PSD3: variants seen among roughly 807,000 people sequenced by gnomAD.
The protein encoded by PSD3 is pleckstrin and Sec7 domain containing 3.
PSD3 carries 49 observed loss-of-function variants against 105.5 expected under a neutral mutation model. That is an observed-to-expected ratio of 0.46 (90% CI 0.37 to 0.59). The LOEUF (loss-of-function observed/expected upper bound fraction) is 0.59, where lower values mean the gene tolerates loss of function less well. Among genes scored for constraint, PSD3 ranks in the 20% least tolerant of loss-of-function variants. The pLI, the probability that PSD3 is intolerant of heterozygous loss-of-function variation, is 0.00. For missense variants in PSD3, 1,561 were observed against 1,263.8 expected (o/e 1.24, Z -3.57); for synonymous variants, 557 against 457.8 (o/e 1.22, Z -2.77).
At chr8:18,653,135 T>G (rs899762936) in intron 10 of PSD3, among the ~76,000 whole-genome samples, 1 of 152,152 alleles carries the variant, frequency 6.6e-6, no homozygotes, top group Admixed American at 6.5e-5. Context: ...ATCTGCTTGA[T>G]AGAGCAGTAC....
At chr8:18,647,440 T>C (rs533979290) in intron 10 of PSD3, among the ~76,000 whole-genome samples, 3 of 152,178 alleles carry the variant, frequency 2.0e-5, no homozygotes, top group Admixed American at 6.5e-5. Flanking sequence ...TAGGGCAATA[T>C]GAAATTGCAG....
At chr8:19,077,898 C>T (rs1251064013) in intron 1 of PSD3, among the ~76,000 whole-genome samples, 5 of 152,090 alleles carry the variant, frequency 3.3e-5, no homozygotes. Context: ...GGTCAGGAGT[C>T]CCAGAGAACT....
At position 18,737,750 on chromosome 8, in the gene PSD3, T is replaced by C. The variant is rs535586304; in HGVS notation, c.2172+27699A>G. ...GGGTACAGACTGTTCTCTGGTCTATTATCACTTTCTAACTTTAAAGACATT... is the reference window on the plus strand; with the variant it reads ...GGGTACAGACTGTTCTCTGGTCTATCATCACTTTCTAACTTTAAAGACATT... On this transcript the variant is annotated intron_variant, in intron 9 of 15. Transcript: ENST00000327040. Among the ~76,000 whole-genome samples the C allele has an allele frequency of 5.9e-5, 9 of 152,332 alleles. No individual in the cohort carries two copies. In the South Asian group the frequency reaches 1.9e-3, roughly 32 times the overall value.
intron 2 of PSD3, among the ~76,000 whole-genome samples, chr8:18,885,969 T>C (rs1053976634): frequency 6.6e-6 from 1 of 152,148 alleles, no homozygotes; most frequent in Non-Finnish European, 1.5e-5. Flanking sequence ...CCTTGTTCCC[T>C]TCAAGGCTAT....
intron 14 of PSD3, 130 bp downstream of exon 14, chr8:18,572,398 T>C: frequency 1.8e-6 from 2 of 1,111,180 alleles, no homozygotes; most frequent in Non-Finnish European, 2.6e-6. Flanking sequence ...CTCATTTATA[T>C]GATACGCTCT....
At chr8:18,553,921 T>C (rs1230486237) in intron 15 of PSD3, among the ~76,000 whole-genome samples, 2 of 152,178 alleles carry the variant, frequency 1.3e-5, no homozygotes, top group Non-Finnish European at 2.9e-5. Flanking sequence ...CATATGGGTC[T>C]GATTTTAATG....
intron 1 of PSD3, among the ~76,000 whole-genome samples, chr8:19,031,278 T>C (rs755000188): frequency 2.0e-5 from 3 of 152,220 alleles, no homozygotes; most frequent in Non-Finnish European, 4.4e-5. Flanking sequence ...GGATGATTAC[T>C]TCCGTTGACT....
At chr8:18,608,219 C>CA (rs557750579) in intron 11 of PSD3, among the ~76,000 whole-genome samples, 21 of 149,224 alleles carry the variant, frequency 1.4e-4, no homozygotes, top group East Asian at 3.9e-4. Context: ...GATCCTGTCT[C>CA]AAAAAAAAAA....
At chr8:18,973,483 A>G (rs1073616) in intron 1 of PSD3, among the ~76,000 whole-genome samples, 30,441 of 151,892 alleles carry the variant, frequency 0.2, 3,591 homozygotes, top group Non-Finnish European at 0.27. Flanking sequence ...GTGTGTATAC[A>G]CTCTGGTGTC....
chr8:19,054,926 A>G (rs1828658269), intron 1 of PSD3, among the ~76,000 whole-genome samples: 1 of 152,216 alleles, frequency 6.6e-6, no homozygotes, highest in Non-Finnish European at 1.5e-5. Flanking sequence ...AAAATTTGTG[A>G]TAGAAACTTC....
intron 1 of PSD3, among the ~76,000 whole-genome samples, chr8:18,984,317 C>G (rs1825392113): frequency 1.3e-5 from 2 of 152,102 alleles, no homozygotes; most frequent in East Asian, 1.9e-4. Context: ...CAATTCTCAA[C>G]AGATCCTTAC....
At chr8:19,048,203 G>A (rs1828392425) in intron 1 of PSD3, among the ~76,000 whole-genome samples, 1 of 152,192 alleles carries the variant, frequency 6.6e-6, no homozygotes, top group Admixed American at 6.5e-5. Flanking sequence ...CAGGGAGCCT[G>A]GTAGGACAAT....
intron 8 of PSD3, among the ~76,000 whole-genome samples, chr8:18,766,342 A>G (rs1257649476): frequency 6.6e-6 from 1 of 152,202 alleles, no homozygotes; most frequent in Non-Finnish European, 1.5e-5. Context: ...TCAAAAAACA[A>G]AAACAAAGCA....
At chr8:19,060,238 GA>G (rs1022816353) in intron 1 of PSD3, among the ~76,000 whole-genome samples, 1 of 151,834 alleles carries the variant, frequency 6.6e-6, no homozygotes, top group South Asian at 2.1e-4. Context: ...TTGAAAAAGA[GA>G]AAAAAAACTT....
intron 9 of PSD3, among the ~76,000 whole-genome samples, chr8:18,713,661 C>A (rs1802394293): frequency 6.6e-6 from 1 of 152,210 alleles, no homozygotes; most frequent in Non-Finnish European, 1.5e-5. Context: ...ACGTTCTATG[C>A]TCATGGATAG....
chr8:18,917,440 A>T (rs1820698167), intron 2 of PSD3, among the ~76,000 whole-genome samples: 1 of 152,168 alleles, frequency 6.6e-6, no homozygotes, highest in African/African-American at 2.4e-5. Context: ...CTTCCGTGGC[A>T]ATTTCTCCAA....
intron 1 of PSD3, among the ~76,000 whole-genome samples, chr8:19,071,597 C>G (rs538782132): frequency 1.7e-3 from 261 of 152,334 alleles, no homozygotes; most frequent in African/African-American, 6.1e-3. Context: ...CCTGATGAAC[C>G]CGGGGAGCTG....
At chr8:18,687,811 G>A (rs187849174) in intron 9 of PSD3, among the ~76,000 whole-genome samples, 385 of 152,206 alleles carry the variant, frequency 2.5e-3, no homozygotes, top group Non-Finnish European at 4.6e-3. Context: ...CCATCGCCCA[G>A]GCTGGAGTAC....
At chr8:18,589,898 G>T (rs993014522) in intron 12 of PSD3, among the ~76,000 whole-genome samples, 2 of 152,174 alleles carry the variant, frequency 1.3e-5, no homozygotes, top group Non-Finnish European at 2.9e-5. Context: ...TGAGGTGATG[G>T]TGATCCTTGC....
Sources: gnomAD v4.1 joint callset for allele counts (sites outside exome capture counted in the v4.1 genomes callset) on GRCh38, gnomAD v4.1.1 for gene constraint, MANE v1.5 for transcripts, NCBI Gene and HGNC (gene_info 2026-07-23, HGNC 2026-07-21) for gene names.